The following CRIM1 variants were observed in gnomAD, a reference collection of about 807,000 sequenced individuals.
CRIM1 encodes cysteine rich transmembrane BMP regulator 1.
Under a neutral mutation model 116.4 loss-of-function variants are expected in CRIM1, and 32 were observed. The observed-to-expected ratio is 0.27, with a 90% confidence interval of 0.21 to 0.37. The LOEUF (loss-of-function observed/expected upper bound fraction) is 0.37, where lower values mean the gene tolerates loss of function less well. CRIM1 is among the 10% of genes least tolerant of loss of function. The probability of loss-of-function intolerance (pLI) is 1.00; values close to 1 mark genes in which losing one functional copy is unlikely to be tolerated. For synonymous variants in CRIM1, 590 were observed against 509.2 expected (o/e 1.16, Z -2.13); for missense variants, 1,331 against 1,354.8 (o/e 0.98, Z 0.28).
chr2:36,474,901 C>G (rs1001173259), intron 5 of CRIM1, among the ~76,000 whole-genome samples: 1 of 145,716 alleles, frequency 6.9e-6, no homozygotes, highest in Admixed American at 7.0e-5. Flanking sequence ...GCCATCTTGT[C>G]AAAATACCTG....
chr2:36,527,798 G>A (rs1445528342), intron 13 of CRIM1, among the ~76,000 whole-genome samples: 3 of 152,098 alleles, frequency 2.0e-5, no homozygotes, highest in Non-Finnish European at 4.4e-5. Flanking sequence ...TACGCATTTC[G>A]AAACCATAAT....
chr2:36,380,792 G>T (rs1290502867), intron 1 of CRIM1, among the ~76,000 whole-genome samples: 1 of 152,220 alleles, frequency 6.6e-6, no homozygotes, highest in South Asian at 2.1e-4. Flanking sequence ...AATCAGAATT[G>T]TGGCATTGGA....
intron 2 of CRIM1, among the ~76,000 whole-genome samples, chr2:36,433,683 T>A (rs1421539631): frequency 6.6e-6 from 1 of 152,356 alleles, no homozygotes; most frequent in Non-Finnish European, 1.5e-5. Flanking sequence ...GTGGTATTTT[T>A]AAAATCTTTG....
intron 1 of CRIM1, among the ~76,000 whole-genome samples, chr2:36,388,310 G>C (rs1671324526): frequency 6.6e-6 from 1 of 152,078 alleles, no homozygotes; most frequent in Non-Finnish European, 1.5e-5. Context: ...AAGACCTTTG[G>C]CTTGCCTTAC....
chr2:36,537,715 T>C (rs1031345159), intron 14 of CRIM1, among the ~76,000 whole-genome samples, 169 bp downstream of exon 14: 9 of 152,258 alleles, frequency 5.9e-5, no homozygotes, highest in African/African-American at 2.2e-4. Context: ...TGGAAAACTA[T>C]GACCATCCCG....
chr2:36,393,394 G>A (rs1671770666), intron 1 of CRIM1, among the ~76,000 whole-genome samples: 2 of 151,874 alleles, frequency 1.3e-5, no homozygotes, highest in Admixed American at 1.3e-4. Context: ...GTGTATATAT[G>A]TATACACACA....
intron 5 of CRIM1, among the ~76,000 whole-genome samples, chr2:36,469,789 G>A (rs937819066): frequency 6.6e-6 from 1 of 152,150 alleles, no homozygotes; most frequent in Admixed American, 6.5e-5. Context: ...ACTCCACTCA[G>A]TATGTGTTTA....
chr2:36,364,476 G>A lies in CRIM1; in HGVS notation c.331+7853G>A, dbSNP rs532191585. Among the ~76,000 whole-genome samples, 20 of 152,314 alleles carry A rather than the reference G, an allele frequency of 1.3e-4. No individual in the cohort carries two copies. The South Asian group carries it at 4.2e-3, about 32-fold the overall frequency. ...CAGTAAGCCATGAGATAACGGAAAT[G>A]CCAAGCATGTCAGGAGCAAGTAAGA... On this transcript the variant is annotated intron_variant, in intron 1 of 16. Transcript: ENST00000280527.
chr2:36,461,882 A>G (rs978657283), intron 4 of CRIM1, among the ~76,000 whole-genome samples: 2 of 152,216 alleles, frequency 1.3e-5, no homozygotes, highest in African/African-American at 4.8e-5. Flanking sequence ...TAGCTACCCA[A>G]TAGATATCTG....
At chr2:36,387,498 A>G (rs1257853610) in intron 1 of CRIM1, among the ~76,000 whole-genome samples, 2 of 152,210 alleles carry the variant, frequency 1.3e-5, no homozygotes, top group African/African-American at 4.8e-5. Flanking sequence ...GCACAGCACA[A>G]ACATGGAACA....
In CRIM1 at chr2:36,478,859, T is replaced by C. The variant is rs550555869; in HGVS notation, c.1175-638T>C. Among the ~76,000 whole-genome samples the C allele has an allele frequency of 2.0e-5, 3 of 152,230 alleles. No homozygotes were observed. In the South Asian group the frequency reaches 6.2e-4, roughly 32 times the overall value. ...GAAACTTTTTTTTTTTTACAGTAGC[T>C]TTGGCTACTTCTGTCTCCCACCTGG... On this transcript the variant is annotated intron_variant, in intron 6 of 16. Coordinates refer to ENST00000280527, the MANE Select transcript of CRIM1 (RefSeq NM_016441.3).
intron 2 of CRIM1, among the ~76,000 whole-genome samples, chr2:36,407,573 C>T (rs907273055): frequency 1.6e-4 from 25 of 151,958 alleles, no homozygotes; most frequent in African/African-American, 6.0e-4. Flanking sequence ...GAAATAAAAA[C>T]AGGAAACTCA....
intron 1 of CRIM1, among the ~76,000 whole-genome samples, chr2:36,368,242 A>G (rs1387410433): frequency 6.6e-6 from 1 of 152,210 alleles, no homozygotes; most frequent in Non-Finnish European, 1.5e-5. Flanking sequence ...TGGGAGGATG[A>G]AAGGATGATT....
intron 14 of CRIM1, among the ~76,000 whole-genome samples, chr2:36,540,530 T>G (rs1666875584): frequency 6.6e-6 from 1 of 150,712 alleles, no homozygotes; most frequent in Admixed American, 6.6e-5. Flanking sequence ...GCCTCTAAGG[T>G]CAAGGCCAGT....
At chr2:36,372,812 A>G (rs1031507810) in intron 1 of CRIM1, among the ~76,000 whole-genome samples, 37 of 152,162 alleles carry the variant, frequency 2.4e-4, no homozygotes, top group Admixed American at 2.0e-3. Context: ...ACCAGTTACA[A>G]AAGTTTTAGG....
chr2:36,378,556 G>A (rs912381501), intron 1 of CRIM1: 3 of 353,592 alleles, frequency 8.5e-6, no homozygotes, highest in African/African-American at 4.3e-5. Context: ...ACTTAAGGAA[G>A]TTAATTTGAA....
intron 14 of CRIM1, among the ~76,000 whole-genome samples, 176 bp from the exon 15 acceptor site, chr2:36,544,200 C>T (rs976966103): frequency 6.6e-6 from 1 of 152,216 alleles, no homozygotes; most frequent in Non-Finnish European, 1.5e-5. Flanking sequence ...TTTCTCCTCA[C>T]TGCAAAGCTC....
In CRIM1 at chr2:36,517,394, C is replaced by T. The variant is rs1665096987; in HGVS notation, c.2058C>T (p.Tyr686=). Residue 686 remains tyrosine (Y), a synonymous_variant, in exon 12 of 17, where the codon TAC becomes TAT. Transcript: ENST00000280527. ...TTTGCCACGCCCCTGGAGGAGAATA[C>T]TTTGTGGAAGGAGAAACGTGGAACA... ...PSICHAPGGE[Y]FVEGETWNID... 4 of 1,614,198 alleles carry T rather than the reference C, an allele frequency of 2.5e-6. No homozygotes were observed. Among genetic ancestry groups the T allele is most frequent in the Non-Finnish European group, 2.5e-6 (3 of 1,180,038 alleles).
At chr2:36,421,215 T>C (rs1303920519) in intron 2 of CRIM1, among the ~76,000 whole-genome samples, 1 of 152,244 alleles carries the variant, frequency 6.6e-6, no homozygotes, top group Non-Finnish European at 1.5e-5. Context: ...AATTTAAATG[T>C]ATGACTTTTA....
Sources: allele counts gnomAD v4.1 joint callset (sites outside exome capture counted in the v4.1 genomes callset), GRCh38; gene constraint gnomAD v4.1.1; transcripts MANE v1.5; gene names NCBI Gene and HGNC (gene_info 2026-07-23, HGNC 2026-07-21).